The following PTPN5 variants were observed in gnomAD, a reference collection of about 807,000 sequenced individuals.
PTPN5 encodes protein tyrosine phosphatase non-receptor type 5, also known as tyrosine-protein phosphatase non-receptor type 5.
Under a neutral mutation model 73.9 loss-of-function variants are expected in PTPN5, and 29 were observed. That is an observed-to-expected ratio of 0.39 (90% CI 0.29 to 0.54). The LOEUF (loss-of-function observed/expected upper bound fraction) is 0.54. Ranked by LOEUF, PTPN5 falls within the 20% of genes least tolerant of loss-of-function variation. The probability of loss-of-function intolerance (pLI) is 0.65; values close to 1 mark genes in which losing one functional copy is unlikely to be tolerated. For synonymous variants in PTPN5, 267 were observed against 304.7 expected, an observed-to-expected ratio of 0.88 and a Z score of 1.29; for missense variants, 652 against 751.4, an observed-to-expected ratio of 0.87 and a Z score of 1.55.
chr11:18,744,527 T>C, intron 3 of PTPN5, among the ~76,000 whole-genome samples: 1 of 148,906 alleles, frequency 6.7e-6, no homozygotes, highest in Admixed American at 6.8e-5. Flanking sequence ...CACCTCAAAC[T>C]CAATTAAAAA....
chr11:18,738,104 GAGTT>G, intron 8 of PTPN5, 140 bp from the exon 9 acceptor site: 1 of 698,434 alleles, frequency 1.4e-6, no homozygotes, highest in Non-Finnish European at 2.6e-6. Context: ...ACTATTAAGA[GAGTT>G]AGTGCTCACG....
intron 3 of PTPN5, among the ~76,000 whole-genome samples, chr11:18,748,049 G>A (rs1188007384): frequency 6.6e-6 from 1 of 152,128 alleles, no homozygotes; most frequent in Admixed American, 6.5e-5. Flanking sequence ...TACATACACA[G>A]ACACATGCAC....
At chr11:18,784,591 G>C (rs1162581081) in intron 1 of PTPN5, among the ~76,000 whole-genome samples, 1 of 152,152 alleles carries the variant, frequency 6.6e-6, no homozygotes, top group South Asian at 2.1e-4. Context: ...GTATAACACT[G>C]TAAATATACT....
chr11:18,761,585 C>T (rs895926388), intron 3 of PTPN5, among the ~76,000 whole-genome samples: 1 of 152,064 alleles, frequency 6.6e-6, no homozygotes, highest in Admixed American at 6.5e-5. Context: ...CACATGTGCA[C>T]AGGGGTGGGG....
rs1849184163 is a variant in PTPN5, at chr11:18,737,877, C to T, written c.1000+3G>A. Reference sequence around the variant, plus strand: ...CCATCCCTCTGGGACAGTGAGTACTCACTGGGAAGTATGGTTTTGTACCGG... The same window carrying T: ...CCATCCCTCTGGGACAGTGAGTACTTACTGGGAAGTATGGTTTTGTACCGG... On this transcript the variant is annotated splice_donor_region_variant and intron_variant, in intron 9 of 14. Coordinates refer to ENST00000358540, the MANE Select transcript of PTPN5 (RefSeq NM_006906.2). 1.2e-6 allele frequency: 2 copies of T among 1,613,322 alleles called. No individual in the cohort carries two copies. Among genetic ancestry groups the T allele is most frequent in the African/African-American group, 1.3e-5 (1 of 74,922 alleles).
At position 18,740,860 on chromosome 11, in the gene PTPN5, G is replaced by A. The variant is rs965671949; in HGVS notation, c.726-68C>T. ...GGACGGGCATGAGCTGGGGTCTCCA[G>A]GGCTGGGAAAATGAGGGAGGGAGAG... On this transcript the variant is annotated intron_variant, in intron 7 of 14. Transcript: ENST00000358540. 21 of 1,115,606 alleles carry A rather than the reference G, an allele frequency of 1.9e-5. No homozygotes were observed. In the African/African-American group the frequency reaches 3.4e-4, roughly 18 times the overall value. 69.1% of individuals were successfully genotyped at this position (1,115,606 alleles called of 1,614,324 possible). A position where few individuals can be genotyped will look rare whatever the true frequency, so the allele number is the denominator to read the frequency against.
intron 3 of PTPN5, among the ~76,000 whole-genome samples, chr11:18,760,474 G>C (rs868268414): frequency 6.6e-6 from 1 of 152,232 alleles, no homozygotes; most frequent in Non-Finnish European, 1.5e-5. Context: ...CAATGATACA[G>C]AGCAGAGTGC....
At chr11:18,788,810 C>A (rs1851785115) in intron 1 of PTPN5, among the ~76,000 whole-genome samples, 1 of 152,030 alleles carries the variant, frequency 6.6e-6, no homozygotes, top group Admixed American at 6.6e-5. Flanking sequence ...AGGTATGCAC[C>A]CTTAGATAAG....
intron 1 of PTPN5, among the ~76,000 whole-genome samples, chr11:18,784,610 C>G (rs1415208329): frequency 6.6e-6 from 1 of 152,164 alleles, no homozygotes; most frequent in Non-Finnish European, 1.5e-5. Context: ...CTTAACGCCA[C>G]AAAATTATAC....
intron 9 of PTPN5, among the ~76,000 whole-genome samples, chr11:18,736,109 T>C (rs1203440944): frequency 6.6e-6 from 1 of 152,142 alleles, no homozygotes; most frequent in African/African-American, 2.4e-5. Context: ...GAAGAGGATG[T>C]AGATTTGAGA....
intron 1 of PTPN5, among the ~76,000 whole-genome samples, chr11:18,775,814 TC>T (rs1339225928): frequency 6.6e-6 from 1 of 152,062 alleles, no homozygotes; most frequent in East Asian, 1.9e-4. Context: ...AGGCTTCAAT[TC>T]CAGGCCTGTC....
At chr11:18,759,183 G>GT (rs796789311) in intron 3 of PTPN5, among the ~76,000 whole-genome samples, 19 of 152,022 alleles carry the variant, frequency 1.2e-4, no homozygotes, top group Non-Finnish European at 1.6e-4. Context: ...GGAAAAAAAG[G>GT]TTTTTTTTCT....
At position 18,742,125 on chromosome 11, in the gene PTPN5, G is replaced by T; in HGVS notation, c.725+137C>A. ...TTGATCTCTATGAATGACCTGGATA[G>T]CACATGTCTACACTGGCTAAGCTAT... On this transcript the variant is annotated intron_variant, in intron 7 of 14. Transcript: ENST00000358540. This position sits in a 1 kb window ranked among gnomAD's most constrained non-coding sequence, Gnocchi z 4.1. 1 of 1,190,086 alleles carries T rather than the reference G, an allele frequency of 8.4e-7. No homozygotes were observed. Among genetic ancestry groups the T allele is most frequent in the Non-Finnish European group, 1.2e-6 (1 of 841,372 alleles). 73.7% of individuals were successfully genotyped at this position (1,190,086 alleles called of 1,614,324 possible).
chr11:18,740,741 G>A lies in PTPN5; in HGVS notation c.777C>T (p.Asn259=), dbSNP rs532570471. Residue 259 remains asparagine (N), a synonymous_variant, in exon 8 of 15, where the codon AAC becomes AAT. Transcript: ENST00000358540. ...ACATGAGATAGCCAAAGCCCTCCTC[G>A]TTGCAGCCCGGAGTGCACATGTCCA... ...LTLDMCTPGC[N]EEGFGYLMSP... The A allele has an allele frequency of 9.4e-6, 15 of 1,597,842 alleles. No homozygotes were observed. Among genetic ancestry groups the A allele is most frequent in the South Asian group, 2.3e-5 (2 of 88,800 alleles).
In PTPN5 at chr11:18,730,227, C is replaced by T. The variant is rs760785247; in HGVS notation, c.1330-409G>A. 4.6e-4 allele frequency: 173 copies of T among 376,716 alleles called. 1 individual carries two copies. Among genetic ancestry groups the T allele is most frequent in the Non-Finnish European group, 1.4e-4 (30 of 212,208 alleles). The allele number at this position is 376,716 out of a possible 1,614,324, so 23.3% of individuals were successfully genotyped here. On this transcript the variant is annotated intron_variant, in intron 12 of 14. Coordinates refer to ENST00000358540, the MANE Select transcript of PTPN5 (RefSeq NM_006906.2). ...GTGCCTCGCCTGCGCCTGCGTGACT[C>T]GCCTCTATCTTAGTGCTGCAATTAG...
chr11:18,778,045 C>T (rs1851252268), intron 1 of PTPN5, among the ~76,000 whole-genome samples: 1 of 152,014 alleles, frequency 6.6e-6, no homozygotes, highest in Non-Finnish European at 1.5e-5. Flanking sequence ...TTTGTGCCCT[C>T]TGCCAATTTT....
At chr11:18,748,267 TCC>T (rs1225830395) in intron 3 of PTPN5, among the ~76,000 whole-genome samples, 1 of 152,152 alleles carries the variant, frequency 6.6e-6, no homozygotes, top group Non-Finnish European at 1.5e-5. Context: ...CAGAGGCAGG[TCC>T]CTCGGATAAT....
At position 18,729,353 on chromosome 11, in the gene PTPN5, T is replaced by C. The variant is rs1848766713; in HGVS notation, c.1604+100A>G. ...CATCAGTCCGTGCCAGTGTTTTCCA[T>C]CTGCCCCTCACCCCCCGCCCATGCA... On this transcript the variant is annotated intron_variant, in intron 14 of 14. Transcript: ENST00000358540. The surrounding 1 kb of genome is among the most constrained non-coding windows in gnomAD (Gnocchi z 5.2). 8.8e-6 allele frequency: 6 copies of C among 679,078 alleles called. No individual in the cohort carries two copies. Among genetic ancestry groups the C allele is most frequent in the Non-Finnish European group, 1.6e-5 (6 of 374,622 alleles). The allele number at this position is 679,078 out of a possible 1,614,324, so 42.1% of individuals were successfully genotyped here.
intron 3 of PTPN5, among the ~76,000 whole-genome samples, chr11:18,748,909 G>A (rs769801141): frequency 6.6e-6 from 1 of 152,138 alleles, no homozygotes; most frequent in Non-Finnish European, 1.5e-5. Context: ...CCACTTGCAC[G>A]GACCACTGTG....
Sources: allele counts gnomAD v4.1 joint callset (sites outside exome capture counted in the v4.1 genomes callset), GRCh38; gene constraint gnomAD v4.1.1; non-coding constraint Gnocchi (gnomAD v3.1); transcripts MANE v1.5; gene names NCBI Gene and HGNC (gene_info 2026-07-23, HGNC 2026-07-21).